CLINT1: variants seen among roughly 807,000 people sequenced by gnomAD.
CLINT1 encodes the protein clathrin interacting protein localized in the trans-Golgi region.
A neutral mutation model predicts 70.4 loss-of-function variants in CLINT1; 15 were observed. The ratio of observed to expected loss-of-function variants is 0.21; its 90% CI spans 0.14 to 0.33. The LOEUF (loss-of-function observed/expected upper bound fraction) is 0.33, where lower values mean the gene tolerates loss of function less well. Among genes scored for constraint, CLINT1 ranks in the 10% least tolerant of loss-of-function variants. The probability of loss-of-function intolerance (pLI) is 1.00; values close to 1 mark genes in which losing one functional copy is unlikely to be tolerated. For synonymous variants in CLINT1, 227 were observed against 254.7 expected (o/e 0.89, Z 1.04); for missense variants, 615 against 778.1 (o/e 0.79, Z 2.49).
At position 157,805,969 on chromosome 5, in the gene CLINT1, T is replaced by A; in HGVS notation, c.839A>T (p.Asn280Ile). The stretch of plus-strand genomic sequence containing the variant: ...TCCAAGATCAATGGTTTTGGAAGGA[T>A]TTGCTGTGCGCTTGTGTCTGGTTGT... ...TTTTRHKRTANPSKTIDLGAA... is the reference protein window; with the variant it reads ...TTTTRHKRTAIPSKTIDLGAA... Residue 280 changes from asparagine (N) to isoleucine (I), a missense_variant, in exon 7 of 12, where the codon AAT (asparagine) becomes ATT (isoleucine). Around this residue, in one of 2 missense-constraint regions of CLINT1, gnomAD observed 241 missense variants for 368.6 expected, o/e 0.65. Coordinates refer to ENST00000411809, the MANE Select transcript of CLINT1 (RefSeq NM_014666.4). 6.2e-7 allele frequency: 1 copy of A among 1,613,952 alleles called. No individual in the cohort carries two copies. Among genetic ancestry groups the A allele is most frequent in the Non-Finnish European group, 8.5e-7 (1 of 1,179,878 alleles).
chr5:157,807,149 G>A (rs971191293), intron 6 of CLINT1, among the ~76,000 whole-genome samples: 2 of 151,772 alleles, frequency 1.3e-5, no homozygotes, highest in African/African-American at 4.8e-5. Flanking sequence ...CTGAACTATA[G>A]CAACTTGTAC....
rs774904374 is a variant in CLINT1, at chr5:157,791,887, G to A, written c.1196C>T (p.Pro399Leu). ...TGAGCCACTAACAAGTTCTACCGCT[G>A]GCTGTGAGGCACTGCCAAAGAACTC... ...SGEFFGSASQ[P>L]AVELVSGSQS... The change falls in exon 10 of 12, where the codon CCA (proline) becomes CTA (leucine). Residue 399 changes from proline (P) to leucine (L), a missense_variant. By Grantham distance (98) the Pro-to-Leu change is moderately conservative. Around this residue, in one of 2 missense-constraint regions of CLINT1, gnomAD observed 374 missense variants for 409.6 expected, o/e 0.91. Coordinates refer to ENST00000411809, the MANE Select transcript of CLINT1 (RefSeq NM_014666.4). 1 of 1,613,962 alleles carries A rather than the reference G, an allele frequency of 6.2e-7. No homozygotes were observed. The highest frequency in any genetic ancestry group is 8.5e-7 in the Non-Finnish European group (1 of 1,179,864).
chr5:157,797,067 A>C (rs1163181326), intron 8 of CLINT1, among the ~76,000 whole-genome samples: 1 of 152,214 alleles, frequency 6.6e-6, no homozygotes, highest in Admixed American at 6.5e-5. Context: ...AAATGTGACA[A>C]GGAACACAAA....
intron 8 of CLINT1, among the ~76,000 whole-genome samples, chr5:157,802,794 C>T (rs1003535167): frequency 9.2e-5 from 14 of 152,172 alleles, no homozygotes; most frequent in African/African-American, 3.4e-4. Flanking sequence ...GATCCACCTC[C>T]CTCGGCCTCC....
In CLINT1 at chr5:157,809,120, TA is replaced by T. The variant is rs1336289343; in HGVS notation, c.695+507del. 2.6e-5 allele frequency: 4 copies of T among 152,224 alleles called. No homozygotes were observed. In the East Asian group the frequency reaches 7.7e-4, roughly 29 times the overall value. The allele number at this position is 152,224 out of a possible 1,614,324, so 9.4% of individuals were successfully genotyped here. A position where few individuals can be genotyped will look rare whatever the true frequency, so the allele number is the denominator to read the frequency against. ...ACAGTGCTTGCTTCAGCAGCATATG[TA>T]CTAAAACCAGAACAATACAGGGAAG... On this transcript the variant is annotated intron_variant, in intron 6 of 11. Coordinates refer to ENST00000411809, the MANE Select transcript of CLINT1 (RefSeq NM_014666.4).
At chr5:157,835,199 T>C (rs1158131940) in intron 1 of CLINT1, among the ~76,000 whole-genome samples, 1 of 152,204 alleles carries the variant, frequency 6.6e-6, no homozygotes, top group East Asian at 1.9e-4. Flanking sequence ...GTTCAAGTGC[T>C]ATGTAGTGCT....
intron 8 of CLINT1, among the ~76,000 whole-genome samples, chr5:157,802,027 G>A (rs149628395): frequency 4.9e-4 from 75 of 151,758 alleles, no homozygotes; most frequent in African/African-American, 1.7e-3. Context: ...CCTGAGTAGC[G>A]GGGATTAAAG....
intron 1 of CLINT1, among the ~76,000 whole-genome samples, chr5:157,838,325 G>A (rs570952965): frequency 3.3e-5 from 5 of 152,136 alleles, no homozygotes; most frequent in East Asian, 1.9e-4. Flanking sequence ...GTTTTGCCAC[G>A]TTGGCCAGGC....
At position 157,817,446 on chromosome 5, in the gene CLINT1, G is replaced by T; in HGVS notation, c.143C>A (p.Ala48Asp). ...GPSGQLMGEI[A>D]KATFMYEQFP... is the part of the protein sequence containing the mutation. ...GCTGAGTCAAATTATCACTTACTTG[G>T]CAATCTCTCCCATGAGTTGCCCAGA... Residue 48 changes from alanine to aspartate, a missense_variant, in exon 2 of 12, where the codon GCC (alanine) becomes GAC (aspartate). By Grantham distance (126) the Ala-to-Asp change is moderately radical. This residue lies in a region of CLINT1 where 241 missense variants were observed against 368.6 expected (regional missense o/e 0.65). Coordinates refer to ENST00000411809, the MANE Select transcript of CLINT1 (RefSeq NM_014666.4). 1 of 1,581,748 alleles carries T rather than the reference G, an allele frequency of 6.3e-7. No homozygotes were observed. Among genetic ancestry groups the T allele is most frequent in the Non-Finnish European group, 8.6e-7 (1 of 1,158,928 alleles).
intron 5 of CLINT1, among the ~76,000 whole-genome samples, chr5:157,811,400 G>C (rs1023432330): frequency 1.3e-5 from 2 of 152,094 alleles, no homozygotes; most frequent in African/African-American, 2.4e-5. Flanking sequence ...AGGCATGGTG[G>C]CTCACGCCTG....
intron 1 of CLINT1, among the ~76,000 whole-genome samples, chr5:157,830,796 C>CTCTCTATA (rs1300619885): frequency 1.1e-3 from 95 of 85,690 alleles, no homozygotes; most frequent in East Asian, 2.8e-3. Context: ...CTCTCTCTCT[C>CTCTCTATA]TATATATATA....
chr5:157,789,066 G>GTA (rs1311380531), intron 11 of CLINT1, among the ~76,000 whole-genome samples: 1 of 150,358 alleles, frequency 6.7e-6, no homozygotes, highest in Non-Finnish European at 1.5e-5. Flanking sequence ...TTTGTCCATC[G>GTA]TATTTGCCTA....
Position 157,791,882 on chromosome 5 carries a change from C to T in CLINT1, c.1201G>A (p.Val401Ile), listed in dbSNP as rs1761922604. The T allele has an allele frequency of 1.9e-6, 3 of 1,613,844 alleles. No individual in the cohort carries two copies. The highest frequency in any genetic ancestry group is 3.3e-5 in the Admixed American group (2 of 59,992). ...GATTGTGAGCCACTAACAAGTTCTA[C>T]CGCTGGCTGTGAGGCACTGCCAAAG... is the stretch of plus-strand genomic sequence containing the variant. ...EFFGSASQPA[V>I]ELVSGSQSAL... The change falls in exon 10 of 12, where the codon GTA becomes ATA. Residue 401 changes from valine (V) to isoleucine (I), a missense_variant. By Grantham distance (29) the Val-to-Ile change is conservative. Transcript: ENST00000411809.
chr5:157,842,190 A>C (rs1485523365), intron 1 of CLINT1, among the ~76,000 whole-genome samples: 2 of 152,248 alleles, frequency 1.3e-5, no homozygotes, highest in Non-Finnish European at 2.9e-5. Context: ...AGGAACAATC[A>C]CTATTGTGTA....
At position 157,795,209 on chromosome 5, in the gene CLINT1, T is replaced by C. The variant is rs372348437; in HGVS notation, c.1013-237A>G. ...AGTAAGATAAATGACACTGTATCTG[T>C]TGTTAAAATTATCTCACTAATATTT... On this transcript the variant is annotated intron_variant, in intron 8 of 11. Transcript: ENST00000411809. 84 of 454,054 alleles carry C rather than the reference T, an allele frequency of 1.8e-4. 1 individual carries two copies. The East Asian group carries it at 2.0e-3, about 11-fold the overall frequency. 28.1% of individuals were successfully genotyped at this position (454,054 alleles called of 1,614,324 possible).
At chr5:157,845,221 C>G (rs1358557670) in intron 1 of CLINT1, among the ~76,000 whole-genome samples, 1 of 151,994 alleles carries the variant, frequency 6.6e-6, no homozygotes, top group Non-Finnish European at 1.5e-5. Flanking sequence ...TGGTGGCACA[C>G]GCTTGTAATC....
chr5:157,829,144 A>G (rs1763138876), intron 1 of CLINT1, among the ~76,000 whole-genome samples: 1 of 151,854 alleles, frequency 6.6e-6, no homozygotes, highest in South Asian at 2.1e-4. Context: ...AAAAACACTA[A>G]AAAGACAGCT....
intron 1 of CLINT1, among the ~76,000 whole-genome samples, chr5:157,838,964 C>G (rs551429648): frequency 3.3e-5 from 5 of 152,166 alleles, no homozygotes; most frequent in Non-Finnish European, 4.4e-5. Flanking sequence ...ACCAGGTGTG[C>G]TGGCTCATGC....
intron 1 of CLINT1, among the ~76,000 whole-genome samples, chr5:157,822,899 C>T (rs1322732532): frequency 1.3e-5 from 2 of 152,206 alleles, no homozygotes; most frequent in East Asian, 3.9e-4. Context: ...CAAAACTATA[C>T]ACCAAGAGAA....
Sources: gnomAD v4.1 joint callset for allele counts (sites outside exome capture counted in the v4.1 genomes callset) on GRCh38, gnomAD v4.1.1 for gene constraint, gnomAD v4.1.1 regional missense constraint, MANE v1.5 for transcripts, NCBI Gene and HGNC (gene_info 2026-07-23, HGNC 2026-07-21) for gene names.